Variants in SGSM3 observed in about 807,000 individuals in gnomAD.
The protein encoded by SGSM3 is small G protein signaling modulator 3.
SGSM3 carries 96 observed loss-of-function variants against 100.5 expected under a neutral mutation model. The ratio of observed to expected loss-of-function variants is 0.96; its 90% confidence interval spans 0.81 to 1.13. SGSM3 has a LOEUF of 1.13. Among genes scored for constraint, SGSM3 ranks in the 50% most tolerant of loss-of-function variants. The pLI, the probability that SGSM3 is intolerant of heterozygous loss-of-function variation, is 0.00. For synonymous variants in SGSM3, 483 were observed against 422.8 expected (o/e 1.14, Z -1.75); for missense variants, 1,001 against 1,015.8 (o/e 0.99, Z 0.20).
chr22:40,383,704 AAG>A (rs1466149039), intron 1 of SGSM3, among the ~76,000 whole-genome samples: 26 of 152,286 alleles, frequency 1.7e-4, no homozygotes, highest in South Asian at 4.1e-4. Flanking sequence ...AAGGGAAAAT[AAG>A]AGCTGACTCA....
In SGSM3 at chr22:40,404,661, G is replaced by A. The variant is rs758744309; in HGVS notation, c.471G>A (p.Lys157=). Reference sequence around the variant, plus strand: ...CCAACGATGAGACCATCGCTGCCAAGCAGGTGAGGCCGGTGGCACTGTGCA... The same window carrying A: ...CCAACGATGAGACCATCGCTGCCAAACAGGTGAGGCCGGTGGCACTGTGCA... The part of the protein sequence containing the change: ...NSSNDETIAA[K]QIEKDLLRTM... Residue 157 remains lysine (K), a synonymous_variant, in exon 6 of 22, where the codon AAG becomes AAA. Transcript: ENST00000248929. 1 of 1,607,888 alleles carries A rather than the reference G, an allele frequency of 6.2e-7. No homozygotes were observed. Among genetic ancestry groups the A allele is most frequent in the Non-Finnish European group, 8.5e-7 (1 of 1,175,764 alleles).
In SGSM3 at chr22:40,406,237, C is replaced by T. The variant is rs2051485783; in HGVS notation, c.960+14C>T. 6.2e-7 allele frequency: 1 copy of T among 1,613,332 alleles called. No individual in the cohort carries two copies. The highest frequency in any genetic ancestry group is 1.3e-5 in the African/African-American group (1 of 74,942). ...CTGCACCTCAAGGTGCTCCACGGCC[C>T]CACTTCAGGCTGAGGAGTAGGCACC... is the stretch of plus-strand genomic sequence containing the variant. On this transcript the variant is annotated intron_variant, in intron 9 of 21. Coordinates refer to ENST00000248929, the MANE Select transcript of SGSM3 (RefSeq NM_015705.6).
intron 1 of SGSM3, among the ~76,000 whole-genome samples, chr22:40,382,012 TA>T (rs2047655165): frequency 6.6e-6 from 1 of 152,146 alleles, no homozygotes; most frequent in African/African-American, 2.4e-5. Context: ...CAGATCAGAA[TA>T]AAAGCTCCAC....
At chr22:40,379,146 C>T (rs1002834918) in intron 1 of SGSM3, among the ~76,000 whole-genome samples, 9 of 152,124 alleles carry the variant, frequency 5.9e-5, no homozygotes, top group African/African-American at 2.2e-4. Flanking sequence ...TACTTCTTTC[C>T]CCTCTAGAAT....
intron 10 of SGSM3, 169 bp from the exon 11 acceptor site, chr22:40,406,848 C>G (rs1236056080): frequency 2.3e-6 from 2 of 880,788 alleles, no homozygotes; most frequent in African/African-American, 3.3e-5. Flanking sequence ...ACCTCAGGTT[C>G]TGATCCTGGC....
At position 40,404,408 on chromosome 22, in the gene SGSM3, C is replaced by T; in HGVS notation, c.319C>T (p.Leu107Phe). The change falls in exon 5 of 22, where the codon CTC (leucine) becomes TTC (phenylalanine). Residue 107 changes from leucine to phenylalanine, a missense_variant. Physicochemically the swap from Leu to Phe is conservative, Grantham distance 22 (BLOSUM62 0). Transcript: ENST00000248929. ...CGTCTCCCTACCCCGCTCTGAGAAG[C>T]TCCGCTCCCTGGTGCTGGCCGGCAT... ...IAVSLPRSEK[L>F]RSLVLAGIPH... The T allele has an allele frequency of 6.2e-7, 1 of 1,608,040 alleles. No individual in the cohort carries two copies.
At position 40,401,621 on chromosome 22, in the gene SGSM3, C is replaced by T; in HGVS notation, c.36C>T (p.Phe12=). ...SGSHTPACGP[F]SALTPSIWPQ... is the part of the protein sequence containing the mutation. ...GCCATACACCTGCCTGTGGCCCTTTCTCAGCCCTGACTCCGAGCATATGGC... is the reference window on the plus strand; with the variant it reads ...GCCATACACCTGCCTGTGGCCCTTTTTCAGCCCTGACTCCGAGCATATGGC... Residue 12 remains phenylalanine, a synonymous_variant, in exon 3 of 22, where the codon TTC becomes TTT. Coordinates refer to ENST00000248929, the MANE Select transcript of SGSM3 (RefSeq NM_015705.6). The T allele has an allele frequency of 6.2e-7, 1 of 1,613,454 alleles. No homozygotes were observed. The highest frequency in any genetic ancestry group is 8.5e-7 in the Non-Finnish European group (1 of 1,179,512).
In SGSM3 at chr22:40,404,422, G is replaced by T; in HGVS notation, c.333G>T (p.Val111=). 1 of 1,606,032 alleles carries T rather than the reference G, an allele frequency of 6.2e-7. No homozygotes were observed. The highest frequency in any genetic ancestry group is 8.5e-7 in the Non-Finnish European group (1 of 1,175,552). ...GCTCTGAGAAGCTCCGCTCCCTGGT[G>T]CTGGCCGGCATCCCACATGGCATGA... ...LPRSEKLRSL[V]LAGIPHGMRP... The change falls in exon 5 of 22, where the codon GTG becomes GTT. Residue 111 remains valine, a synonymous_variant. Transcript: ENST00000248929.
chr22:40,392,596 A>G (rs879232597), intron 1 of SGSM3, among the ~76,000 whole-genome samples: 3 of 152,320 alleles, frequency 2.0e-5, no homozygotes, highest in Admixed American at 2.0e-4. Context: ...CTCAGTACTC[A>G]GCTTCACTGG....
intron 1 of SGSM3, among the ~76,000 whole-genome samples, chr22:40,397,473 C>T (rs1383500270): frequency 6.6e-6 from 1 of 152,156 alleles, no homozygotes; most frequent in Non-Finnish European, 1.5e-5. Context: ...GGAAAGTCAA[C>T]ATACCTTTCA....
chr22:40,397,414 A>G (rs748915697), intron 1 of SGSM3, among the ~76,000 whole-genome samples: 10 of 152,142 alleles, frequency 6.6e-5, no homozygotes, highest in Admixed American at 1.3e-4. Flanking sequence ...AAAAAAAAAT[A>G]TGATAAAATA....
chr22:40,408,459 A>C (rs769911560), intron 16 of SGSM3, 30 bp downstream of exon 16: 1 of 1,612,286 alleles, frequency 6.2e-7, no homozygotes, highest in South Asian at 1.1e-5. Context: ...CATGACCCCC[A>C]CCCTGCACCA....
chr22:40,385,474 T>C (rs1035899163), intron 1 of SGSM3, among the ~76,000 whole-genome samples: 9 of 152,054 alleles, frequency 5.9e-5, no homozygotes. Flanking sequence ...AGGAAATGGG[T>C]TGAAAGGTTC....
chr22:40,402,061 C>T, intron 3 of SGSM3, 78 bp from the exon 4 acceptor site: 1 of 1,128,784 alleles, frequency 8.9e-7, no homozygotes, highest in Non-Finnish European at 1.4e-6. Flanking sequence ...AGCAGGCAAC[C>T]CTGTGGGTGG....
intron 5 of SGSM3, 42 bp downstream of exon 5, chr22:40,404,497 T>G: frequency 1.2e-6 from 2 of 1,609,618 alleles, no homozygotes; most frequent in Admixed American, 3.3e-5. Context: ...GAGAGGGTCC[T>G]GGCCCCATGA....
In SGSM3 at chr22:40,406,704, G is replaced by A. The variant is rs762376175; in HGVS notation, c.1185+42G>A. 103 of 1,497,576 alleles carry A rather than the reference G, an allele frequency of 6.9e-5. No homozygotes were observed. The Middle Eastern group carries it at 1.7e-3, about 25-fold the overall frequency. The allele number at this position is 1,497,576 out of a possible 1,614,324, so 92.8% of individuals were successfully genotyped here. ...GGCCGCACCTTGACCCACAGCACAC[G>A]GGGAGGAGGGGTCACCTTGAAGTTC... On this transcript the variant is annotated intron_variant, in intron 10 of 21. Transcript: ENST00000248929.
chr22:40,384,693 T>C (rs957486731), intron 1 of SGSM3, among the ~76,000 whole-genome samples: 1 of 152,058 alleles, frequency 6.6e-6, no homozygotes, highest in Non-Finnish European at 1.5e-5. Context: ...GGCGGGAGAA[T>C]GGGCATGGAT....
At chr22:40,375,857 G>A (rs1375406504) in intron 1 of SGSM3, among the ~76,000 whole-genome samples, 2 of 152,096 alleles carry the variant, frequency 1.3e-5, no homozygotes, top group African/African-American at 2.4e-5. Flanking sequence ...GGGCAACATG[G>A]TGAGACCCTG....
intron 1 of SGSM3, among the ~76,000 whole-genome samples, chr22:40,381,704 C>A (rs2047609410): frequency 6.6e-6 from 1 of 152,022 alleles, no homozygotes; most frequent in Non-Finnish European, 1.5e-5. Flanking sequence ...CCAGTAATAC[C>A]AGCACTTTGG....
Sources: gnomAD v4.1 joint callset for allele counts (sites outside exome capture counted in the v4.1 genomes callset) on GRCh38, gnomAD v4.1.1 for gene constraint, MANE v1.5 for transcripts, NCBI Gene and HGNC (gene_info 2026-07-23, HGNC 2026-07-21) for gene names.